The following ANO3 variants were observed in gnomAD, a reference collection of about 807,000 sequenced individuals.
ANO3 encodes anoctamin-3.
ANO3 carries 99 observed loss-of-function variants against 144.8 expected under a neutral mutation model. The observed-to-expected ratio is 0.68, with a 90% CI of 0.58 to 0.81. The LOEUF (loss-of-function observed/expected upper bound fraction) is 0.81. Ranked by LOEUF, ANO3 falls within the 30% of genes least tolerant of loss-of-function variation. ANO3 has a pLI of 0.00. For synonymous variants in ANO3, 414 were observed against 392.6 expected (o/e 1.05, Z -0.64); for missense variants, 905 against 1,202.2 (o/e 0.75, Z 3.66).
chr11:26,540,953 C>T (rs1039513769), intron 10 of ANO3, among the ~76,000 whole-genome samples: 1 of 152,058 alleles, frequency 6.6e-6, no homozygotes, highest in Non-Finnish European at 1.5e-5. Context: ...TGGGTATATA[C>T]CCAAAGGATT....
Position 26,343,421 on chromosome 11 carries a change from T to A in ANO3, c.46+11100T>A, listed in dbSNP as rs139474191. ...TTGAATGTACGTGCAGAAATGGGAATGCTGGATCACATGGAAGTTCTATTT... is the reference window on the plus strand; with the variant it reads ...TTGAATGTACGTGCAGAAATGGGAAAGCTGGATCACATGGAAGTTCTATTT... On this transcript the variant is annotated intron_variant, in intron 1 of 26. Transcript: ENST00000256737. 2.5e-3 allele frequency among the ~76,000 whole-genome samples: 384 copies of A among 152,340 alleles called. 4 individuals carry two copies. The highest frequency in any genetic ancestry group is 8.8e-3 in the African/African-American group (365 of 41,576).
chr11:26,652,953 GAC>G (rs1019164160), intron 24 of ANO3, among the ~76,000 whole-genome samples: 3 of 152,162 alleles, frequency 2.0e-5, no homozygotes, highest in African/African-American at 7.2e-5. Context: ...CTTTCAGAAA[GAC>G]ACATAATTTC....
At chr11:26,545,869 T>C (rs1333399349) in intron 11 of ANO3, among the ~76,000 whole-genome samples, 1 of 141,352 alleles carries the variant, frequency 7.1e-6, no homozygotes, top group East Asian at 2.2e-4. Context: ...GGCAAGGACA[T>C]TTTTCATTAG....
At position 26,656,411 on chromosome 11, in the gene ANO3, A is replaced by G; in HGVS notation, c.2693A>G (p.Lys898Arg). 2.5e-6 allele frequency: 4 copies of G among 1,612,004 alleles called. No homozygotes were observed. Among genetic ancestry groups the G allele is most frequent in the Non-Finnish European group, 3.4e-6 (4 of 1,178,134 alleles). The change falls in exon 26 of 27, where the codon AAA (lysine) becomes AGA (arginine). Residue 898 changes from lysine to arginine, a missense_variant. By Grantham distance (26) the Lys-to-Arg change is conservative. Transcript: ENST00000256737. ...TACAGAGGCCCGCCCTGGAGTTCCA[A>G]ACCCTATGAGTTTACTTTACAATAC... Reference protein sequence around the residue: ...RDYRGPPWSSKPYEFTLQYWH... With the variant: ...RDYRGPPWSSRPYEFTLQYWH...
chr11:26,600,813 C>A (rs1053310321), intron 17 of ANO3, among the ~76,000 whole-genome samples: 2 of 151,768 alleles, frequency 1.3e-5, no homozygotes, highest in African/African-American at 4.8e-5. Flanking sequence ...TGACCATGTT[C>A]CTCATGTTTC....
chr11:26,609,438 G>T (rs559298667), intron 17 of ANO3, among the ~76,000 whole-genome samples: 6 of 151,608 alleles, frequency 4.0e-5, no homozygotes, highest in Non-Finnish European at 7.4e-5. Context: ...TATCCTGCAG[G>T]TGCAGGATAT....
upstream of ANO3, among the ~76,000 whole-genome samples, chr11:26,330,562 C>G (rs1373729503): frequency 2.0e-5 from 3 of 152,128 alleles, no homozygotes; most frequent in African/African-American, 7.2e-5. Context: ...AGAGTAGAAT[C>G]CAATTTCGCT....
At chr11:26,437,805 T>G (rs901048244) in intron 1 of ANO3, among the ~76,000 whole-genome samples, 1 of 152,204 alleles carries the variant, frequency 6.6e-6, no homozygotes, top group African/African-American at 2.4e-5. Context: ...TTTAAACACA[T>G]ACACACACGT....
At chr11:26,278,453 A>ATT (rs1853606066) in intron 1 of ANO3, among the ~76,000 whole-genome samples, 1 of 152,140 alleles carries the variant, frequency 6.6e-6, no homozygotes, top group Non-Finnish European at 1.5e-5. Context: ...AATGTGATCC[A>ATT]ATTAAGACTG....
At chr11:26,400,490 C>A (rs1489240716) in intron 1 of ANO3, among the ~76,000 whole-genome samples, 1 of 151,862 alleles carries the variant, frequency 6.6e-6, no homozygotes, top group Non-Finnish European at 1.5e-5. Context: ...AGTTCTAGTG[C>A]CTTTCTTTTG....
At chr11:26,642,281 A>T (rs1191323295) in intron 22 of ANO3, among the ~76,000 whole-genome samples, 1 of 151,984 alleles carries the variant, frequency 6.6e-6, no homozygotes, top group African/African-American at 2.4e-5. Context: ...TTTATGAGCA[A>T]ATATTTGAAG....
intron 1 of ANO3, among the ~76,000 whole-genome samples, chr11:26,221,943 G>A (rs755224731): frequency 6.6e-6 from 1 of 152,108 alleles, no homozygotes; most frequent in Non-Finnish European, 1.5e-5. Context: ...GAGATTTGGA[G>A]GGAACACACA....
At chr11:26,435,548 G>T (rs1167069167) in intron 1 of ANO3, among the ~76,000 whole-genome samples, 4 of 152,066 alleles carry the variant, frequency 2.6e-5, no homozygotes, top group Non-Finnish European at 2.9e-5. Context: ...TCATAGATTT[G>T]GTCTCTTGAC....
At chr11:26,509,453 C>T (rs1474774253) in intron 5 of ANO3, among the ~76,000 whole-genome samples, 1 of 151,948 alleles carries the variant, frequency 6.6e-6, no homozygotes, top group African/African-American at 2.4e-5. Context: ...GCTGGAATTA[C>T]AGGAACCGAT....
At chr11:26,612,301 G>C (rs1032837483) in intron 17 of ANO3, among the ~76,000 whole-genome samples, 1 of 151,308 alleles carries the variant, frequency 6.6e-6, no homozygotes. Flanking sequence ...GGCTACCATG[G>C]GGCTAACCTA....
intron 13 of ANO3, among the ~76,000 whole-genome samples, chr11:26,557,494 G>C (rs1332602432): frequency 6.6e-6 from 1 of 150,954 alleles, no homozygotes; most frequent in Non-Finnish European, 1.5e-5. Flanking sequence ...CAAAATGCTT[G>C]CCATGGGTCC....
intron 4 of ANO3, among the ~76,000 whole-genome samples, chr11:26,493,590 C>G (rs1353330000): frequency 4.6e-5 from 7 of 152,140 alleles, no homozygotes; most frequent in African/African-American, 1.4e-4. Context: ...TATTTCTATT[C>G]AAATGATGAA....
At chr11:26,409,167 G>C (rs1020456467) in intron 1 of ANO3, among the ~76,000 whole-genome samples, 1 of 150,070 alleles carries the variant, frequency 6.7e-6, no homozygotes, top group Non-Finnish European at 1.5e-5. Flanking sequence ...CCCTTCCTCT[G>C]GATGGCTTCT....
intron 1 of ANO3, among the ~76,000 whole-genome samples, chr11:26,411,112 C>G (rs1857419944): frequency 6.6e-6 from 1 of 151,952 alleles, no homozygotes; most frequent in Non-Finnish European, 1.5e-5. Flanking sequence ...CATAGAAAAC[C>G]TACTCAGATG....
Sources: gnomAD v4.1 joint callset for allele counts (sites outside exome capture counted in the v4.1 genomes callset) on GRCh38, gnomAD v4.1.1 for gene constraint, MANE v1.5 for transcripts, NCBI Gene and HGNC (gene_info 2026-07-23, HGNC 2026-07-21) for gene names.